The following ATP9B variants were observed in gnomAD, a reference collection of about 807,000 sequenced individuals.
ATP9B encodes the protein ATPase phospholipid transporting 9B.
ATP9B carries 110 observed loss-of-function variants against 146.1 expected under a neutral mutation model. The ratio of observed to expected loss-of-function variants is 0.75; its 90% CI spans 0.65 to 0.88. The LOEUF (loss-of-function observed/expected upper bound fraction) is 0.88. Ranked by LOEUF, ATP9B falls within the 40% of genes least tolerant of loss-of-function variation. The probability of loss-of-function intolerance (pLI) is 0.00; values close to 1 mark genes in which losing one functional copy is unlikely to be tolerated. For synonymous variants in ATP9B, 604 were observed against 569.7 expected, an observed-to-expected ratio of 1.06 and a Z score of -0.86; for missense variants, 1,499 against 1,496.4, an observed-to-expected ratio of 1.00 and a Z score of -0.03.
chr18:79,140,359 T>C (rs939197232), intron 5 of ATP9B, among the ~76,000 whole-genome samples: 3 of 152,226 alleles, frequency 2.0e-5, no homozygotes, highest in Admixed American at 6.5e-5. Context: ...TTAGTTTTTT[T>C]CAACTCATTC....
At chr18:79,246,819 C>T (rs1006839555) in intron 11 of ATP9B, among the ~76,000 whole-genome samples, 1 of 152,186 alleles carries the variant, frequency 6.6e-6, no homozygotes, top group African/African-American at 2.4e-5. Flanking sequence ...AGCACCGCAG[C>T]GGTGATCGGC....
intron 1 of ATP9B, among the ~76,000 whole-genome samples, chr18:79,078,800 A>G (rs964696511): frequency 6.6e-6 from 1 of 151,904 alleles, no homozygotes; most frequent in African/African-American, 2.4e-5. Flanking sequence ...TCCTAATGTT[A>G]TCCTTCACCT....
intron 1 of ATP9B, among the ~76,000 whole-genome samples, chr18:79,079,601 G>C (rs1168674817): frequency 6.6e-6 from 1 of 152,168 alleles, no homozygotes; most frequent in Non-Finnish European, 1.5e-5. Flanking sequence ...TAGGTTGCCT[G>C]TTCACTCTGA....
chr18:79,243,307 G>A (rs989990488), intron 11 of ATP9B, among the ~76,000 whole-genome samples: 1 of 152,188 alleles, frequency 6.6e-6, no homozygotes, highest in Admixed American at 6.5e-5. Flanking sequence ...ATAAATAGGT[G>A]AATATGCATT....
Position 79,110,391 on chromosome 18 carries a change from G to A in ATP9B, c.330G>A (p.Lys110=). ...GGCTGATAAATATTTGTCGAAGAAA[G>A]AAAGAGCTGAAAGCTCGCACAGTAT... ...CGWLINICRR[K]KELKARTVWL... Residue 110 remains lysine (K), a synonymous_variant, in exon 3 of 30, where the codon AAG becomes AAA. Transcript: ENST00000426216. The A allele has an allele frequency of 6.2e-7, 1 of 1,607,152 alleles. No individual in the cohort carries two copies. Among genetic ancestry groups the A allele is most frequent in the Admixed American group, 1.7e-5 (1 of 59,208 alleles).
intron 7 of ATP9B, among the ~76,000 whole-genome samples, chr18:79,163,561 C>T (rs866709046): frequency 1.3e-5 from 2 of 151,990 alleles, no homozygotes; most frequent in South Asian, 2.1e-4. Flanking sequence ...AACATTCACC[C>T]ATATATAAAG....
intron 2 of ATP9B, among the ~76,000 whole-genome samples, chr18:79,097,825 C>T (rs1358443921): frequency 2.7e-5 from 4 of 147,470 alleles, no homozygotes; most frequent in African/African-American, 7.8e-5. Flanking sequence ...TGAATAGTGC[C>T]GCAATAAACA....
At chr18:79,124,621 T>A (rs989613673) in intron 4 of ATP9B, among the ~76,000 whole-genome samples, 19 of 152,132 alleles carry the variant, frequency 1.2e-4, no homozygotes, top group African/African-American at 4.6e-4. Flanking sequence ...GACATCATGG[T>A]GTTTCAGGAG....
chr18:79,111,666 A>G (rs1346098457), intron 3 of ATP9B, among the ~76,000 whole-genome samples: 1 of 152,230 alleles, frequency 6.6e-6, no homozygotes, highest in African/African-American at 2.4e-5. Flanking sequence ...AGGTTCAGTC[A>G]GTAGACTGTA....
chr18:79,201,022 G>A lies in ATP9B; in HGVS notation c.955-5915G>A, dbSNP rs73974508. 6.3e-3 allele frequency among the ~76,000 whole-genome samples: 962 copies of A among 152,320 alleles called. 12 individuals carry two copies. The highest frequency in any genetic ancestry group is 0.021 in the African/African-American group (878 of 41,558). On this transcript the variant is annotated intron_variant, in intron 9 of 29. Coordinates refer to ENST00000426216, the MANE Select transcript of ATP9B (RefSeq NM_198531.5). ...GGCTTCACCCCATGAGGCACAAGAC[G>A]TGTGCTGATGGCCTGGTGATGGTGA...
chr18:79,075,225 C>G (rs1189502034), intron 1 of ATP9B, among the ~76,000 whole-genome samples: 1 of 152,180 alleles, frequency 6.6e-6, no homozygotes, highest in Non-Finnish European at 1.5e-5. Context: ...TACAGGCGCT[C>G]ACTACAGCCT....
chr18:79,251,071 T>A (rs1599287873), intron 11 of ATP9B, among the ~76,000 whole-genome samples: 1 of 152,224 alleles, frequency 6.6e-6, no homozygotes, highest in East Asian at 1.9e-4. Context: ...GCAGGCCAAG[T>A]GTCTCATTAA....
chr18:79,225,904 T>TTG lies in ATP9B; in HGVS notation c.1107+11867_1107+11868dup, dbSNP rs2095728708. On this transcript the variant is annotated intron_variant, in intron 11 of 29. Coordinates refer to ENST00000426216, the MANE Select transcript of ATP9B (RefSeq NM_198531.5). ...TCTGAGTGACTGTTGGGTCCCGCAG[T>TTG]TGCAGGGCGGCCACTGTCTTCAGCG... Among the ~76,000 whole-genome samples the TTG allele has an allele frequency of 1.7e-5, 2 of 117,756 alleles. 1 individual carries two copies. The highest frequency in any genetic ancestry group is 3.8e-5 in the Non-Finnish European group (2 of 52,214). The allele number at this position is 117,756 out of a possible 152,430, so 77.3% of individuals were successfully genotyped here.
intron 10 of ATP9B, among the ~76,000 whole-genome samples, chr18:79,208,020 C>T (rs373983631): frequency 2.3e-3 from 347 of 152,140 alleles, no homozygotes; most frequent in South Asian, 6.2e-3. Context: ...CCGAGGCGGG[C>T]GGATCACAAG....
intron 13 of ATP9B, among the ~76,000 whole-genome samples, chr18:79,295,960 T>A (rs2096544949): frequency 1.3e-5 from 2 of 152,224 alleles, no homozygotes; most frequent in Non-Finnish European, 2.9e-5. Context: ...TATAAACCAC[T>A]TGGTTTATGG....
At chr18:79,359,887 A>G (rs2096977432) in intron 26 of ATP9B, 1 of 197,244 alleles carries the variant, frequency 5.1e-6, no homozygotes, top group Admixed American at 5.2e-5. Flanking sequence ...CATGGGCTGC[A>G]TGTTTCCTGT....
intron 7 of ATP9B, among the ~76,000 whole-genome samples, chr18:79,155,556 A>G (rs1401692166): frequency 6.6e-6 from 1 of 152,152 alleles, no homozygotes; most frequent in Non-Finnish European, 1.5e-5. Flanking sequence ...GACGTTATTT[A>G]TAAATGAACA....
chr18:79,372,275 C>T (rs2148007671), intron 26 of ATP9B: 1 of 157,808 alleles, frequency 6.3e-6, no homozygotes, highest in East Asian at 1.9e-4. Context: ...CACCTGCCTT[C>T]AACTTCGCAG....
intron 7 of ATP9B, among the ~76,000 whole-genome samples, chr18:79,157,396 C>CAAAAAA (rs147316668): frequency 2.9e-4 from 14 of 48,584 alleles, no homozygotes; most frequent in East Asian, 1.4e-3. Flanking sequence ...AACTCCATCT[C>CAAAAAA]AAAAAAAAAA....
Sources: gnomAD v4.1 joint callset for allele counts (sites outside exome capture counted in the v4.1 genomes callset) on GRCh38, gnomAD v4.1.1 for gene constraint, MANE v1.5 for transcripts, NCBI Gene and HGNC (gene_info 2026-07-23, HGNC 2026-07-21) for gene names.